CNTN5: variants seen among roughly 807,000 people sequenced by gnomAD.
The protein encoded by CNTN5 is contactin-5.
In CNTN5, 77 loss-of-function variants were observed where a neutral mutation model predicts 129.1. The ratio of observed to expected loss-of-function variants is 0.60; its 90% CI spans 0.50 to 0.72. The LOEUF is 0.72. Ranked by LOEUF, CNTN5 falls within the 30% of genes least tolerant of loss-of-function variation. CNTN5 has a pLI of 0.00. For synonymous variants in CNTN5, 509 were observed against 465.6 expected, an observed-to-expected ratio of 1.09 and a Z score of -1.20; for missense variants, 1,478 against 1,328.8, an observed-to-expected ratio of 1.11 and a Z score of -1.75.
At chr11:100,215,771 T>G (rs1339338415) in intron 15 of CNTN5, among the ~76,000 whole-genome samples, 1 of 152,122 alleles carries the variant, frequency 6.6e-6, no homozygotes, top group Non-Finnish European at 1.5e-5. Context: ...GGTATTGTAC[T>G]CTAGAGAGAG....
intron 1 of CNTN5, among the ~76,000 whole-genome samples, chr11:99,131,251 A>AAAAAAAT: frequency 6.8e-6 from 1 of 147,448 alleles, no homozygotes; most frequent in Non-Finnish European, 1.5e-5. Context: ...CCATCTCAGA[A>AAAAAAAT]AAAAAAAAAA....
At chr11:100,039,116 C>G (rs1369285566) in intron 9 of CNTN5, among the ~76,000 whole-genome samples, 1 of 152,122 alleles carries the variant, frequency 6.6e-6, no homozygotes, top group Admixed American at 6.5e-5. Context: ...CCGGTTGTTC[C>G]TTTCCATGTT....
At chr11:100,010,726 A>G (rs1236640782) in intron 9 of CNTN5, among the ~76,000 whole-genome samples, 1 of 152,088 alleles carries the variant, frequency 6.6e-6, no homozygotes, top group Non-Finnish European at 1.5e-5. Context: ...TGACATTTTC[A>G]AACCCATCTC....
chr11:99,051,132 G>A (rs907829083), intron 1 of CNTN5, among the ~76,000 whole-genome samples: 1 of 151,858 alleles, frequency 6.6e-6, no homozygotes, highest in African/African-American at 2.4e-5. Flanking sequence ...ATAATTTGCT[G>A]ACTTCAACCA....
In CNTN5 at chr11:99,678,954, ACT is replaced by A. The variant is rs201157895; in HGVS notation, c.55+122698_55+122699del. On this transcript the variant is annotated intron_variant, in intron 3 of 24. Coordinates refer to ENST00000524871, the MANE Select transcript of CNTN5 (RefSeq NM_014361.4). ...ACATTTTTTATTGTATCTGCTATTC[ACT>A]CTCTCTCTCTCTATATATATATATA... is the stretch of plus-strand genomic sequence containing the variant. 1.5e-3 allele frequency among the ~76,000 whole-genome samples: 220 copies of A among 147,540 alleles called. 1 individual carries two copies. Among genetic ancestry groups the A allele is most frequent in the African/African-American group, 5.0e-3 (202 of 40,360 alleles).
intron 3 of CNTN5, among the ~76,000 whole-genome samples, chr11:99,777,138 A>G (rs1237240479): frequency 6.6e-6 from 1 of 151,928 alleles, no homozygotes; most frequent in African/African-American, 2.4e-5. Flanking sequence ...GATGTTTATT[A>G]TGGTGAATAT....
chr11:99,147,190 A>G (rs899950517), intron 1 of CNTN5, among the ~76,000 whole-genome samples: 1 of 152,194 alleles, frequency 6.6e-6, no homozygotes, highest in Non-Finnish European at 1.5e-5. Flanking sequence ...GTCAGGACAC[A>G]ATTAAAACCA....
intron 8 of CNTN5, among the ~76,000 whole-genome samples, chr11:99,974,519 T>G (rs996598078): frequency 3.9e-5 from 6 of 152,206 alleles, no homozygotes; most frequent in Non-Finnish European, 7.3e-5. Flanking sequence ...GTAATCAGTA[T>G]TAGTTCCTGC....
intron 3 of CNTN5, among the ~76,000 whole-genome samples, chr11:99,576,750 G>A (rs1479678804): frequency 1.3e-5 from 2 of 152,132 alleles, no homozygotes; most frequent in Admixed American, 6.5e-5. Context: ...GTCATAGATG[G>A]TGCCTTCTCA....
chr11:99,472,399 T>A (rs1945210448), intron 2 of CNTN5, among the ~76,000 whole-genome samples: 2 of 152,176 alleles, frequency 1.3e-5, no homozygotes, highest in Admixed American at 6.5e-5. Context: ...TACTGCAAAT[T>A]TTGTGTAGTC....
intron 1 of CNTN5, among the ~76,000 whole-genome samples, chr11:99,201,626 G>C (rs891722142): frequency 6.6e-6 from 1 of 152,032 alleles, no homozygotes; most frequent in African/African-American, 2.4e-5. Context: ...TGAATCATTT[G>C]GATGGGCACA....
chr11:100,132,080 C>G (rs1466541485), intron 13 of CNTN5, among the ~76,000 whole-genome samples: 1 of 151,994 alleles, frequency 6.6e-6, no homozygotes, highest in Non-Finnish European at 1.5e-5. Context: ...GGGCTTTGAG[C>G]AAAGGAAAAG....
chr11:99,140,172 G>T (rs893303958), intron 1 of CNTN5, among the ~76,000 whole-genome samples: 7 of 152,066 alleles, frequency 4.6e-5, no homozygotes, highest in African/African-American at 1.7e-4. Flanking sequence ...AACTGCACAA[G>T]TTCATAATAA....
At chr11:99,814,263 A>T (rs1253850178) in intron 3 of CNTN5, among the ~76,000 whole-genome samples, 1 of 152,164 alleles carries the variant, frequency 6.6e-6, no homozygotes, top group Non-Finnish European at 1.5e-5. Flanking sequence ...ATGCGTGTAC[A>T]GGCAGATGGT....
intron 15 of CNTN5, among the ~76,000 whole-genome samples, chr11:100,196,868 G>T (rs10219250): frequency 0.58 from 87,465 of 151,750 alleles, 25,648 homozygotes; most frequent in East Asian, 0.74. Flanking sequence ...ATATTCTTAA[G>T]ATTTTAAATC....
chr11:99,473,539 T>C (rs569050710), intron 2 of CNTN5, among the ~76,000 whole-genome samples: 83 of 151,310 alleles, frequency 5.5e-4, no homozygotes, highest in African/African-American at 1.9e-3. Context: ...GATGTTGAAA[T>C]CTTTACTGAA....
At chr11:99,506,531 C>A (rs750011680) in intron 2 of CNTN5, among the ~76,000 whole-genome samples, 1 of 151,786 alleles carries the variant, frequency 6.6e-6, no homozygotes, top group South Asian at 2.1e-4. Flanking sequence ...AGACGATTTG[C>A]GCCTTGAAAA....
intron 2 of CNTN5, among the ~76,000 whole-genome samples, chr11:99,495,279 A>G (rs1250384984): frequency 1.3e-5 from 2 of 152,274 alleles, no homozygotes; most frequent in East Asian, 3.9e-4. Flanking sequence ...GAGGCAAGAG[A>G]ATAGCTTGAA....
chr11:99,565,705 G>A (rs1052675605), intron 3 of CNTN5, among the ~76,000 whole-genome samples: 1 of 152,126 alleles, frequency 6.6e-6, no homozygotes, highest in Non-Finnish European at 1.5e-5. Flanking sequence ...TCTTTCCAAT[G>A]AAGAAGAGTA....
Sources: allele counts gnomAD v4.1 joint callset (sites outside exome capture counted in the v4.1 genomes callset), GRCh38; gene constraint gnomAD v4.1.1; transcripts MANE v1.5; gene names NCBI Gene and HGNC (gene_info 2026-07-23, HGNC 2026-07-21).